Variants in LMO7 observed in about 807,000 individuals in gnomAD.
LMO7 encodes the protein LIM domain 7.
Under a neutral mutation model 206.5 loss-of-function variants are expected in LMO7, and 120 were observed. The observed-to-expected ratio is 0.58, with a 90% CI of 0.50 to 0.68. The LOEUF is 0.68. Ranked by LOEUF, LMO7 falls within the 30% of genes least tolerant of loss-of-function variation. The pLI is 0.00. For missense variants in LMO7, 1,959 were observed against 1,957.9 expected (o/e 1.00, Z -0.01); for synonymous variants, 706 against 681.5 (o/e 1.04, Z -0.56).
At chr13:75,697,327 G>A (rs1357265166) in intron 1 of LMO7, among the ~76,000 whole-genome samples, 3 of 152,128 alleles carry the variant, frequency 2.0e-5, no homozygotes, top group Admixed American at 2.0e-4. Context: ...GAGGTTTAAT[G>A]GACTCAGTTC....
intron 1 of LMO7, among the ~76,000 whole-genome samples, chr13:75,644,173 T>G (rs2139046922): frequency 6.6e-6 from 1 of 151,932 alleles, no homozygotes; most frequent in South Asian, 2.1e-4. Context: ...AAAATGACAA[T>G]AAAAGCAGCT....
intron 4 of LMO7, among the ~76,000 whole-genome samples, chr13:75,769,401 G>C (rs1005201178): frequency 2.6e-5 from 4 of 151,928 alleles, no homozygotes; most frequent in African/African-American, 9.7e-5. Context: ...TTTGGTACTA[G>C]TGCTTCAGAC....
At position 75,785,679 on chromosome 13, in the gene LMO7, A is replaced by G. The variant is rs1308406718; in HGVS notation, c.318-9722A>G. ...GTATGTGTATTCAAGAGGACAGCAT[A>G]GAATTAGTACTTTTAAAAATGTTTT... On this transcript the variant is annotated intron_variant, in intron 4 of 30. Coordinates refer to ENST00000377534, the MANE Select transcript of LMO7 (RefSeq NM_001306080.2). Among the ~76,000 whole-genome samples, 11 of 152,318 alleles carry G rather than the reference A, an allele frequency of 7.2e-5. No homozygotes were observed. In the South Asian group the frequency reaches 1.2e-3, roughly 17 times the overall value.
chr13:75,853,481 A>C, intron 28 of LMO7, 93 bp downstream of exon 28: 1 of 1,180,284 alleles, frequency 8.5e-7, no homozygotes, highest in South Asian at 1.6e-5. Flanking sequence ...TCCAATGAAG[A>C]AGAAAAAGAA....
rs1452902222 is a variant in LMO7 at position 75,841,684 on chromosome 13, T to C, written c.3732T>C (p.Leu1244=). 1.2e-6 allele frequency: 2 copies of C among 1,613,996 alleles called. No homozygotes were observed. Among genetic ancestry groups the C allele is most frequent in the African/African-American group, 2.7e-5 (2 of 74,870 alleles). ...CTCTGACCACACGGGAGCCCTCTCT[T>C]GCCACCTGGGAAGCTACCTGGAGTG... ...SMSLTTREPS[L]ATWEATWSEG... is the part of the protein sequence containing the mutation. The change falls in exon 24 of 31, where the codon CTT becomes CTC. Residue 1244 remains leucine (L), a synonymous_variant. Coordinates refer to ENST00000377534, the MANE Select transcript of LMO7 (RefSeq NM_001306080.2).
chr13:75,734,970 T>C (rs905397967), intron 3 of LMO7, among the ~76,000 whole-genome samples: 3 of 152,070 alleles, frequency 2.0e-5, no homozygotes, highest in South Asian at 2.1e-4. Flanking sequence ...TGGCTCTGTG[T>C]GCCTGTAGTC....
intron 16 of LMO7, 125 bp downstream of exon 16, chr13:75,833,290 G>A: frequency 1.6e-6 from 1 of 640,238 alleles, no homozygotes; most frequent in Non-Finnish European, 2.8e-6. Context: ...GCAACCATAA[G>A]GCCAGAAAAT....
At chr13:75,753,736 A>C (rs2047458129) in intron 3 of LMO7, among the ~76,000 whole-genome samples, 1 of 152,188 alleles carries the variant, frequency 6.6e-6, no homozygotes, top group Admixed American at 6.5e-5. Flanking sequence ...TTCCCTCTCC[A>C]CAATGATTTT....
chr13:75,764,103 G>A (rs950681459), intron 4 of LMO7, among the ~76,000 whole-genome samples: 1 of 151,630 alleles, frequency 6.6e-6, no homozygotes, highest in Admixed American at 6.6e-5. Flanking sequence ...ATTTATTTAG[G>A]GACTACATGT....
Position 75,792,748 on chromosome 13 carries a change from A to G in LMO7, c.318-2653A>G, listed in dbSNP as rs559917656. 1.4e-4 allele frequency among the ~76,000 whole-genome samples: 21 copies of G among 152,332 alleles called. No homozygotes were observed. The Middle Eastern group carries it at 0.014, about 99-fold the overall frequency. The stretch of plus-strand genomic sequence containing the variant: ...CTCTGTTTACTCCAGCAAATCATTG[A>G]CTACTTGAATTCCTGGCATTGCATT... On this transcript the variant is annotated intron_variant, in intron 4 of 30. Transcript: ENST00000377534.
Position 75,836,375 on chromosome 13 carries a change from C to G in LMO7, c.3334-22C>G, listed in dbSNP as rs78771612. The stretch of plus-strand genomic sequence containing the variant: ...AAAGTCCAACTGGAGAGAATATTAA[C>G]TAGCATTTTTACCCTTTCCAGAATA... On this transcript the variant is annotated intron_variant, in intron 18 of 30. Transcript: ENST00000377534. 86 of 1,385,536 alleles carry G rather than the reference C, an allele frequency of 6.2e-5. No individual in the cohort carries two copies. The African/African-American group carries it at 1.1e-3, about 17-fold the overall frequency. 85.8% of individuals were successfully genotyped at this position (1,385,536 alleles called of 1,614,324 possible).
intron 2 of LMO7, among the ~76,000 whole-genome samples, chr13:75,629,207 C>T (rs1326288694): frequency 6.6e-6 from 1 of 152,156 alleles, no homozygotes; most frequent in African/African-American, 2.4e-5. Flanking sequence ...GTATCAGTGG[C>T]ACTAAGCAAT....
chr13:75,853,287 C>G lies in LMO7; in HGVS notation c.4560C>G (p.Gly1520=). The G allele has an allele frequency of 6.2e-7, 1 of 1,614,102 alleles. No individual in the cohort carries two copies. Among genetic ancestry groups the G allele is most frequent in the Non-Finnish European group, 8.5e-7 (1 of 1,179,982 alleles). ...PSSSVPPPSA[G]SVKTSTTGVA... The stretch of plus-strand genomic sequence containing the variant: ...CCAGCGTGCCCCCACCTTCAGCTGG[C>G]TCCGTGAAGACCTCCACCACAGGTG... The change falls in exon 28 of 31, where the codon GGC becomes GGG. Residue 1520 remains glycine, a synonymous_variant. Coordinates refer to ENST00000377534, the MANE Select transcript of LMO7 (RefSeq NM_001306080.2).
chr13:75,800,799 A>C lies in LMO7; in HGVS notation c.578A>C (p.Asp193Ala), dbSNP rs760707933. Reference protein sequence around the residue: ...LAPPRHHKREDSFESLDSLGS... With the variant: ...LAPPRHHKREASFESLDSLGS... Reference sequence around the variant, plus strand: ...CCTCCAAGGCACCATAAGAGAGAAGATTCCTTTGAAAGCTTGGACTCTTTG... The same window carrying C: ...CCTCCAAGGCACCATAAGAGAGAAGCTTCCTTTGAAAGCTTGGACTCTTTG... The change falls in exon 7 of 31, where the codon GAT becomes GCT. Residue 193 changes from aspartate (D) to alanine (A), a missense_variant. Physicochemically the swap from Asp to Ala is moderately radical, Grantham distance 126 (BLOSUM62 -2). Transcript: ENST00000377534. The C allele has an allele frequency of 6.2e-7, 1 of 1,614,142 alleles. No homozygotes were observed. Among genetic ancestry groups the C allele is most frequent in the South Asian group, 1.1e-5 (1 of 91,084 alleles).
intron 28 of LMO7, 28 bp downstream of exon 28, chr13:75,853,416 C>G (rs376444140): frequency 5.2e-6 from 8 of 1,526,660 alleles, no homozygotes; most frequent in Non-Finnish European, 6.2e-6. Context: ...TCTCTTTCTT[C>G]TCTTAGTCTT....
chr13:75,830,231 G>C (rs575831482), intron 15 of LMO7, among the ~76,000 whole-genome samples: 1 of 152,104 alleles, frequency 6.6e-6, no homozygotes, highest in Non-Finnish European at 1.5e-5. Flanking sequence ...GAAGTTTCAG[G>C]AATAATTTAC....
At chr13:75,765,866 C>G (rs2048802883) in intron 4 of LMO7, among the ~76,000 whole-genome samples, 1 of 152,116 alleles carries the variant, frequency 6.6e-6, no homozygotes, top group South Asian at 2.1e-4. Flanking sequence ...TCTACTCCCT[C>G]AAATCCAAAA....
intron 3 of LMO7, among the ~76,000 whole-genome samples, chr13:75,729,107 C>G (rs1239765057): frequency 2.0e-5 from 3 of 150,530 alleles, no homozygotes; most frequent in African/African-American, 7.3e-5. Flanking sequence ...CTTGGTGATG[C>G]GGGCTCTTTT....
intron 1 of LMO7, among the ~76,000 whole-genome samples, chr13:75,665,422 G>T (rs902308233): frequency 1.3e-5 from 2 of 152,010 alleles, no homozygotes; most frequent in Non-Finnish European, 2.9e-5. Context: ...TATGGGAAAA[G>T]AATAGATTTA....
Sources: gnomAD v4.1 joint callset for allele counts (sites outside exome capture counted in the v4.1 genomes callset) on GRCh38, gnomAD v4.1.1 for gene constraint, MANE v1.5 for transcripts, NCBI Gene and HGNC (gene_info 2026-07-23, HGNC 2026-07-21) for gene names.